The following DIRAS2 variants were observed in gnomAD, a reference collection of about 807,000 sequenced individuals.
DIRAS2 encodes the protein DIRAS family GTPase 2.
A neutral mutation model predicts 13.9 loss-of-function variants in DIRAS2; 5 were observed. That is an observed-to-expected ratio of 0.36 (90% confidence interval 0.19 to 0.76). The LOEUF (loss-of-function observed/expected upper bound fraction) is 0.76. Among genes scored for constraint, DIRAS2 ranks in the 30% least tolerant of loss-of-function variants. The pLI, the probability that DIRAS2 is intolerant of heterozygous loss-of-function variation, is 0.53. For missense variants in DIRAS2, 191 were observed against 263.0 expected, an observed-to-expected ratio of 0.73 and a Z score of 1.89; for synonymous variants, 111 against 105.4, an observed-to-expected ratio of 1.05 and a Z score of -0.33.
intron 1 of DIRAS2, among the ~76,000 whole-genome samples, chr9:90,642,023 T>C (rs996378133): frequency 1.2e-4 from 18 of 152,194 alleles, no homozygotes; most frequent in Admixed American, 4.6e-4. Context: ...CAAACCCACA[T>C]AGAATGTGAA....
rs1411538829 is a variant in DIRAS2 at position 90,638,945 on chromosome 9, TTGTC to T, written c.-37+3803_-37+3806del. Among the ~76,000 whole-genome samples the T allele has an allele frequency of 2.0e-5, 3 of 152,270 alleles. No individual in the cohort carries two copies. The East Asian group carries it at 5.8e-4, about 29-fold the overall frequency. ...AAATCTTCCTCCTTCAAAGGCTCCT[TTGTC>T]TGAGCTCTGATGATTATCTAAAGAT... On this transcript the variant is annotated intron_variant, in intron 1 of 1. Coordinates refer to ENST00000375765, the MANE Select transcript of DIRAS2 (RefSeq NM_017594.5).
At position 90,612,760 on chromosome 9, in the gene DIRAS2, T is replaced by G; in HGVS notation, c.*468A>C. On this transcript the variant is annotated 3_prime_UTR_variant, in exon 2 of 2. Transcript: ENST00000375765. ...AAAGTGTAAAATGGACCAAGTGTGG[T>G]CCACTTTGGACCATCTGATCTTCTC... 1 of 164,640 alleles carries G rather than the reference T, an allele frequency of 6.1e-6. No homozygotes were observed. Among genetic ancestry groups the G allele is most frequent in the Non-Finnish European group, 1.3e-5 (1 of 75,184 alleles). The allele number at this position is 164,640 out of a possible 1,614,324, so 10.2% of individuals were successfully genotyped here. A position where few individuals can be genotyped will look rare whatever the true frequency, so the allele number is the denominator to read the frequency against.
intron 1 of DIRAS2, among the ~76,000 whole-genome samples, chr9:90,616,849 T>C (rs1825174410): frequency 6.6e-6 from 1 of 152,192 alleles, no homozygotes; most frequent in Non-Finnish European, 1.5e-5. Flanking sequence ...ACTCAGTGCT[T>C]ACCCAACAGC....
chr9:90,639,192 C>T (rs535531785), intron 1 of DIRAS2, among the ~76,000 whole-genome samples: 13 of 152,264 alleles, frequency 8.5e-5, no homozygotes, highest in Admixed American at 3.3e-4. Flanking sequence ...ACCCACCCCA[C>T]GAGCACTCAC....
At chr9:90,615,354 T>C (rs951794850) in intron 1 of DIRAS2, among the ~76,000 whole-genome samples, 1 of 152,086 alleles carries the variant, frequency 6.6e-6, no homozygotes, top group Non-Finnish European at 1.5e-5. Flanking sequence ...TCCCAAACCC[T>C]CCAAGAAGCT....
chr9:90,634,642 A>T (rs1825355227), intron 1 of DIRAS2, among the ~76,000 whole-genome samples: 2 of 152,242 alleles, frequency 1.3e-5, no homozygotes, highest in South Asian at 4.1e-4. Flanking sequence ...GAGGAAAGGA[A>T]CATTGGCAAA....
intron 1 of DIRAS2, among the ~76,000 whole-genome samples, chr9:90,619,127 G>T (rs1436547281): frequency 6.6e-6 from 1 of 152,086 alleles, no homozygotes; most frequent in Non-Finnish European, 1.5e-5. Flanking sequence ...AACAGAGTGA[G>T]ACTCTGACTC....
intron 1 of DIRAS2, among the ~76,000 whole-genome samples, chr9:90,633,260 G>A (rs1039505540): frequency 1.3e-5 from 2 of 152,186 alleles, no homozygotes; most frequent in Non-Finnish European, 2.9e-5. Flanking sequence ...AACAATTATG[G>A]TGACATCAAC....
intron 1 of DIRAS2, among the ~76,000 whole-genome samples, chr9:90,623,126 C>T (rs999022914): frequency 6.6e-6 from 1 of 152,146 alleles, no homozygotes; most frequent in African/African-American, 2.4e-5. Context: ...TTGGTTGTGG[C>T]TGTTCTCCTC....
intron 1 of DIRAS2, among the ~76,000 whole-genome samples, chr9:90,636,412 G>A (rs1251598824): frequency 6.6e-6 from 1 of 152,102 alleles, no homozygotes; most frequent in Non-Finnish European, 1.5e-5. Context: ...CTTACAGAAT[G>A]CCTCTGTAAG....
At position 90,610,477 on chromosome 9, in the gene DIRAS2, T is replaced by C. The variant is rs1825100890; in HGVS notation, c.*2751A>G. 7.5e-6 allele frequency: 3 copies of C among 399,010 alleles called. No homozygotes were observed. The highest frequency in any genetic ancestry group is 8.8e-6 in the Non-Finnish European group (2 of 226,060). The allele number at this position is 399,010 out of a possible 1,614,324, so 24.7% of individuals were successfully genotyped here. A position where few individuals can be genotyped will look rare whatever the true frequency, so the allele number is the denominator to read the frequency against. On this transcript the variant is annotated 3_prime_UTR_variant, in exon 2 of 2. Transcript: ENST00000375765. ...ATAGAAGGGAAGTCATGGAGCCCCA[T>C]GCTCATGCCCAGAGCGCCATCTTCA... is the stretch of plus-strand genomic sequence containing the variant.
chr9:90,618,203 G>A (rs7025827), intron 1 of DIRAS2, among the ~76,000 whole-genome samples: 18,543 of 152,158 alleles, frequency 0.12, 1,232 homozygotes, highest in East Asian at 0.21. Flanking sequence ...AGAAATTGTG[G>A]TACTAACACA....
chr9:90,623,767 T>C (rs1271189954), intron 1 of DIRAS2, among the ~76,000 whole-genome samples: 3 of 152,154 alleles, frequency 2.0e-5, no homozygotes, highest in African/African-American at 4.8e-5. Context: ...GAGCTGGGCA[T>C]GGTGACACAC....
At chr9:90,617,071 T>C (rs1190220579) in intron 1 of DIRAS2, among the ~76,000 whole-genome samples, 3 of 152,076 alleles carry the variant, frequency 2.0e-5, no homozygotes, top group Non-Finnish European at 2.9e-5. Context: ...AAGAACTTCA[T>C]AGGAAGGAAT....
intron 1 of DIRAS2, among the ~76,000 whole-genome samples, chr9:90,630,013 A>G (rs1825309272): frequency 6.6e-6 from 1 of 152,252 alleles, no homozygotes; most frequent in South Asian, 2.1e-4. Flanking sequence ...TTCAACAATA[A>G]GATACTTTGA....
At chr9:90,621,796 A>T (rs1032365472) in intron 1 of DIRAS2, among the ~76,000 whole-genome samples, 1 of 152,256 alleles carries the variant, frequency 6.6e-6, no homozygotes, top group African/African-American at 2.4e-5. Flanking sequence ...TTTGGACCAT[A>T]TCTATCTACA....
At chr9:90,636,414 C>A (rs1234861871) in intron 1 of DIRAS2, among the ~76,000 whole-genome samples, 1 of 152,076 alleles carries the variant, frequency 6.6e-6, no homozygotes, top group African/African-American at 2.4e-5. Context: ...TACAGAATGC[C>A]TCTGTAAGAA....
At position 90,612,041 on chromosome 9, in the gene DIRAS2, A is replaced by G. The variant is rs1194172363; in HGVS notation, c.*1187T>C. ...CACACAAAATCATTAAGAGAAAAAG[A>G]TAATTGTTTCTAGAGTGAATACTGT... On this transcript the variant is annotated 3_prime_UTR_variant, in exon 2 of 2. Transcript: ENST00000375765. The G allele has an allele frequency of 6.6e-6, 1 of 152,590 alleles. No individual in the cohort carries two copies. Among genetic ancestry groups the G allele is most frequent in the Non-Finnish European group, 1.5e-5 (1 of 68,046 alleles). 9.5% of individuals were successfully genotyped at this position (152,590 alleles called of 1,614,324 possible). A position where few individuals can be genotyped will look rare whatever the true frequency, so the allele number is the denominator to read the frequency against.
At position 90,612,358 on chromosome 9, in the gene DIRAS2, TA is replaced by T. The variant is rs1356317985; in HGVS notation, c.*869del. ...AACCACCTTGGAGGAAAAAAACGTCTAAAAATAGTGAGTTTATTTGCTTGTA... is the reference window on the plus strand; with the variant it reads ...AACCACCTTGGAGGAAAAAAACGTCTAAAATAGTGAGTTTATTTGCTTGTA... On this transcript the variant is annotated 3_prime_UTR_variant, in exon 2 of 2. Coordinates refer to ENST00000375765, the MANE Select transcript of DIRAS2 (RefSeq NM_017594.5). 6.5e-6 allele frequency: 1 copy of T among 152,684 alleles called. No individual in the cohort carries two copies. The highest frequency in any genetic ancestry group is 1.9e-4 in the East Asian group (1 of 5,176). The allele number at this position is 152,684 out of a possible 1,614,324, so 9.5% of individuals were successfully genotyped here. A position where few individuals can be genotyped will look rare whatever the true frequency, so the allele number is the denominator to read the frequency against.
Sources: gnomAD v4.1 joint callset for allele counts (sites outside exome capture counted in the v4.1 genomes callset) on GRCh38, gnomAD v4.1.1 for gene constraint, MANE v1.5 for transcripts, NCBI Gene and HGNC (gene_info 2026-07-23, HGNC 2026-07-21) for gene names.